Variants in ANXA8 observed in about 807,000 individuals in gnomAD.
ANXA8 encodes the protein annexin A8, also known as VAC-beta.
In ANXA8, 9 loss-of-function variants were observed where a neutral mutation model predicts 26.8. That is an observed-to-expected ratio of 0.34 (90% CI 0.20 to 0.59). The LOEUF is 0.59. Ranked by LOEUF, ANXA8 falls within the 20% of genes least tolerant of loss-of-function variation. The pLI, the probability that ANXA8 is intolerant of heterozygous loss-of-function variation, is 0.84. For missense variants in ANXA8, 83 were observed against 238.5 expected, an observed-to-expected ratio of 0.35 and a Z score of 4.29; for synonymous variants, 39 against 94.8, an observed-to-expected ratio of 0.41 and a Z score of 3.42.
the ANXA8 span, among the ~76,000 whole-genome samples, chr10:47,670,992 G>A: frequency 1.3e-5 from 2 of 151,318 alleles, no homozygotes; most frequent in Non-Finnish European, 2.9e-5. Context: ...GGACTGATAA[G>A]AAATTACTTA....
At chr10:47,587,387 C>T in the ANXA8 span, among the ~76,000 whole-genome samples, 3 of 147,982 alleles carry the variant, frequency 2.0e-5, no homozygotes, top group Non-Finnish European at 4.4e-5. Context: ...ATTATTACTT[C>T]AAGGTGTTAT....
chr10:47,502,384 C>A, the ANXA8 span: 1 of 1,609,504 alleles, frequency 6.2e-7, no homozygotes, highest in African/African-American at 1.4e-5. Context: ...CAGCTCAGTG[C>A]AGGGTAGTGG....
chr10:47,666,382 G>A, the ANXA8 span, among the ~76,000 whole-genome samples: 5 of 150,870 alleles, frequency 3.3e-5, no homozygotes, highest in Admixed American at 6.6e-5. Context: ...CTGACAGCCA[G>A]CGTTGCTATA....
chr10:47,653,375 A>T, the ANXA8 span, among the ~76,000 whole-genome samples: 1 of 151,234 alleles, frequency 6.6e-6, no homozygotes, highest in Non-Finnish European at 1.5e-5. Flanking sequence ...AACAATAGCT[A>T]TATTATGACA....
chr10:47,622,333 T>C, the ANXA8 span, among the ~76,000 whole-genome samples: 14 of 110,482 alleles, frequency 1.3e-4, 3 homozygotes, highest in Non-Finnish European at 2.7e-4. Context: ...TCCAGACCAT[T>C]TTCTAGGTAT....
At chr10:47,626,482 T>G in the ANXA8 span, among the ~76,000 whole-genome samples, 1 of 150,150 alleles carries the variant, frequency 6.7e-6, no homozygotes, top group Non-Finnish European at 1.5e-5. Flanking sequence ...TTATAATATT[T>G]AATTGAATAC....
At chr10:47,707,795 G>A in the ANXA8 span, among the ~76,000 whole-genome samples, 7 of 123,792 alleles carry the variant, frequency 5.7e-5, no homozygotes, top group Non-Finnish European at 1.3e-4. Context: ...TTCAGCCGCT[G>A]TTGAAAACAG....
Position 47,483,974 on chromosome 10 carries a change from G to A in ANXA8, c.-41C>T. Reference sequence around the variant, plus strand: ...GGCACCTTTCCCAGGGAGATGAAGAGACACAGGTTGGCCTCTGCTGGGACT... The same window carrying A: ...GGCACCTTTCCCAGGGAGATGAAGAAACACAGGTTGGCCTCTGCTGGGACT... On this transcript the variant is annotated 5_prime_UTR_variant, in exon 1 of 12. Coordinates refer to ENST00000585281, the MANE Select transcript of ANXA8 (RefSeq NM_001040084.3). 1 of 1,611,692 alleles carries A rather than the reference G, an allele frequency of 6.2e-7. No homozygotes were observed. Among genetic ancestry groups the A allele is most frequent in the Non-Finnish European group, 8.5e-7 (1 of 1,179,852 alleles).
upstream of ANXA8, chr10:47,487,415 G>C (rs1840067292): frequency 9.0e-7 from 1 of 1,106,328 alleles, no homozygotes; most frequent in Non-Finnish European, 1.3e-6. Context: ...ATGGCTGTTG[G>C]AAAGAGGAAG....
the ANXA8 span, among the ~76,000 whole-genome samples, chr10:47,654,078 T>C: frequency 6.6e-6 from 1 of 152,006 alleles, no homozygotes; most frequent in East Asian, 1.9e-4. Flanking sequence ...GTCAGTTCTG[T>C]TGAGAATGCC....
the ANXA8 span, among the ~76,000 whole-genome samples, chr10:47,735,374 C>T: frequency 3.4e-5 from 5 of 147,702 alleles, no homozygotes; most frequent in African/African-American, 5.1e-5. Context: ...GGACTATAGG[C>T]GTGAGCCACT....
At chr10:47,615,073 A>G in the ANXA8 span, among the ~76,000 whole-genome samples, 4 of 70,896 alleles carry the variant, frequency 5.6e-5, 2 homozygotes, top group Non-Finnish European at 1.4e-4. Context: ...CTTTTACAGT[A>G]AAAAAGGCAA....
chr10:47,695,635 A>T, the ANXA8 span, among the ~76,000 whole-genome samples: 2 of 151,686 alleles, frequency 1.3e-5, no homozygotes, highest in Non-Finnish European at 2.9e-5. Flanking sequence ...CTTGGAATTT[A>T]TACATCCTTG....
chr10:47,562,072 T>C, the ANXA8 span, among the ~76,000 whole-genome samples: 3 of 152,030 alleles, frequency 2.0e-5, no homozygotes, highest in Non-Finnish European at 2.9e-5. Flanking sequence ...CAATTATGTA[T>C]AAGATATAGT....
chr10:47,525,650 T>A, the ANXA8 span, among the ~76,000 whole-genome samples: 1 of 122,652 alleles, frequency 8.2e-6, no homozygotes, highest in African/African-American at 2.9e-5. Flanking sequence ...TTATTATTAT[T>A]ATTATTATTT....
chr10:47,705,285 C>A, the ANXA8 span, among the ~76,000 whole-genome samples: 1 of 140,952 alleles, frequency 7.1e-6, no homozygotes, highest in Non-Finnish European at 1.5e-5. Context: ...GTAAAAGATA[C>A]AAGTTTAGTC....
chr10:47,708,077 G>A, the ANXA8 span, among the ~76,000 whole-genome samples: 5 of 138,320 alleles, frequency 3.6e-5, no homozygotes, highest in African/African-American at 1.2e-4. Flanking sequence ...GGTGGCTCAT[G>A]CCTGTAATTC....
At chr10:47,763,581 GATTATTAGA>G in the ANXA8 span, 4 of 497,182 alleles carry the variant, frequency 8.0e-6, no homozygotes, top group Non-Finnish European at 1.0e-5. Flanking sequence ...TTATTATGGT[GATTATTAGA>G]ACGCAGGGCC....
At chr10:47,645,384 A>G in the ANXA8 span, among the ~76,000 whole-genome samples, 2 of 148,242 alleles carry the variant, frequency 1.3e-5, no homozygotes, top group African/African-American at 5.2e-5. Context: ...CACAAAGACC[A>G]TAGATGGGGC....
Sources: allele counts gnomAD v4.1 joint callset (sites outside exome capture counted in the v4.1 genomes callset), GRCh38; gene constraint gnomAD v4.1.1; transcripts MANE v1.5; gene names NCBI Gene and HGNC (gene_info 2026-07-23, HGNC 2026-07-21).